The following RHOA variants were observed in gnomAD, a reference collection of about 807,000 sequenced individuals.
The protein encoded by RHOA is ras homolog family member A.
A neutral mutation model predicts 17.5 loss-of-function variants in RHOA; 3 were observed. The observed-to-expected ratio is 0.17, with a 90% CI of 0.08 to 0.44. The LOEUF (loss-of-function observed/expected upper bound fraction) is 0.44. Ranked by LOEUF, RHOA falls within the 20% of genes least tolerant of loss-of-function variation. RHOA has a pLI of 0.99. For missense variants in RHOA, 56 were observed against 242.3 expected (o/e 0.23, Z 5.10); for synonymous variants, 98 against 88.4 (o/e 1.11, Z -0.61).
chr3:49,383,084 A>G (rs2048343227), intron 1 of RHOA, among the ~76,000 whole-genome samples: 1 of 151,514 alleles, frequency 6.6e-6, no homozygotes, highest in Non-Finnish European at 1.5e-5. Context: ...AAAGAAAAAG[A>G]AAAGGCTGCC....
intron 1 of RHOA, among the ~76,000 whole-genome samples, chr3:49,399,431 G>A (rs2048682654): frequency 6.6e-6 from 1 of 151,962 alleles, no homozygotes; most frequent in African/African-American, 2.4e-5. Context: ...TGAAAAAAGT[G>A]ATGTGCCAAA....
At chr3:49,398,839 CAAAAAAAAAAAAAAAAAAAA>C (rs71080506) in intron 1 of RHOA, among the ~76,000 whole-genome samples, 1 of 35,654 alleles carries the variant, frequency 2.8e-5, no homozygotes, top group East Asian at 2.2e-3. Context: ...GACTCCGTCT[CAAAAAAAAAAAAAAAAAAAA>C]AAAAAAAAAA....
intron 1 of RHOA, among the ~76,000 whole-genome samples, chr3:49,383,002 C>T (rs1189490017): frequency 6.7e-6 from 1 of 150,312 alleles, no homozygotes; most frequent in African/African-American, 2.5e-5. Context: ...TGCAGTGAGC[C>T]GAGTTAGCGC....
At chr3:49,404,457 C>CACACACACACACACACACACACA (rs1447646944) in intron 1 of RHOA, among the ~76,000 whole-genome samples, 2 of 146,876 alleles carry the variant, frequency 1.4e-5, no homozygotes, top group African/African-American at 5.0e-5. Context: ...CACACACACA[C>CACACACACACACACACACACACA]AAAATTAGCC....
At position 49,392,175 on chromosome 3, in the gene RHOA, G is replaced by A. The variant is rs942341434; in HGVS notation, c.-2-16584C>T. On this transcript the variant is annotated intron_variant, in intron 1 of 4. Transcript: ENST00000418115. The stretch of plus-strand genomic sequence containing the variant: ...CAAACAAAAACAAAAAAACAATGCT[G>A]GTCAGGCACAGTGACTCCCACCTGT... Among the ~76,000 whole-genome samples the A allele has an allele frequency of 2.6e-5, 4 of 152,194 alleles. No individual in the cohort carries two copies. The East Asian group carries it at 5.8e-4, about 22-fold the overall frequency.
chr3:49,388,800 T>C (rs1024917079), intron 1 of RHOA, among the ~76,000 whole-genome samples: 2 of 152,168 alleles, frequency 1.3e-5, no homozygotes, highest in Non-Finnish European at 2.9e-5. Flanking sequence ...CACTTTGAAA[T>C]CTTTGTTCAT....
chr3:49,372,386 T>C (rs1266588345), intron 2 of RHOA, among the ~76,000 whole-genome samples: 2 of 152,184 alleles, frequency 1.3e-5, no homozygotes, highest in Non-Finnish European at 2.9e-5. Context: ...GAAAGTATCT[T>C]AGAGTTCCTA....
chr3:49,398,554 T>C (rs2107894153), intron 1 of RHOA, among the ~76,000 whole-genome samples: 1 of 151,778 alleles, frequency 6.6e-6, no homozygotes, highest in South Asian at 2.1e-4. Context: ...CAGGGCGCGG[T>C]GGCTCACGCC....
At chr3:49,376,585 G>A (rs1030433380) in intron 1 of RHOA, among the ~76,000 whole-genome samples, 1 of 148,538 alleles carries the variant, frequency 6.7e-6, no homozygotes, top group Admixed American at 6.8e-5. Context: ...AGAGCTTGCA[G>A]TGAGCCAAGA....
rs114562154 is a variant in RHOA, at chr3:49,398,013, A to T, written c.-3+13807T>A. 7.4e-3 allele frequency among the ~76,000 whole-genome samples: 1,125 copies of T among 152,290 alleles called. 7 individuals are homozygous for T. The highest frequency in any genetic ancestry group is 0.034 in the Middle Eastern group (10 of 294). On this transcript the variant is annotated intron_variant, in intron 1 of 4. Coordinates refer to ENST00000418115, the MANE Select transcript of RHOA (RefSeq NM_001664.4). ...GGGTCCATGAGTTCAAAGAGAGACA[A>T]GTCAGTGAATTTTTTCTTTCGCTAC...
chr3:49,388,290 C>T (rs2048434570), intron 1 of RHOA, among the ~76,000 whole-genome samples: 1 of 152,150 alleles, frequency 6.6e-6, no homozygotes, highest in Non-Finnish European at 1.5e-5. Context: ...ACCCACCCGC[C>T]TCTGTCTTCC....
chr3:49,362,517 C>T lies in RHOA; in HGVS notation c.387G>A (p.Arg129=), dbSNP rs746467229. 7 of 1,612,764 alleles carry T rather than the reference C, an allele frequency of 4.3e-6. No homozygotes were observed. The South Asian group carries it at 7.7e-5, about 18-fold the overall frequency. ...KDLRNDEHTR[R]ELAKMKQEPV... is the part of the protein sequence containing the mutation. ...ATGCCTGCTTCATCTTGGCTAGCTC[C>T]CGCCTTGTGTGCTCATCATTCCGAA... The change falls in exon 4 of 5, where the codon CGG becomes CGA. Residue 129 remains arginine, a synonymous_variant. Transcript: ENST00000418115.
chr3:49,376,206 GA>G (rs1176190008), intron 1 of RHOA, among the ~76,000 whole-genome samples: 1 of 152,090 alleles, frequency 6.6e-6, no homozygotes, highest in Non-Finnish European at 1.5e-5. Context: ...GTAAGAAAAT[GA>G]AATAAAAGAC....
chr3:49,370,986 C>G (rs1342276922), intron 2 of RHOA, among the ~76,000 whole-genome samples: 2 of 152,160 alleles, frequency 1.3e-5, no homozygotes, highest in Non-Finnish European at 2.9e-5. Flanking sequence ...TTCTGTCATG[C>G]AAACCATCAT....
At chr3:49,396,706 C>A (rs1449500555) in intron 1 of RHOA, among the ~76,000 whole-genome samples, 1 of 151,882 alleles carries the variant, frequency 6.6e-6, no homozygotes, top group Non-Finnish European at 1.5e-5. Context: ...AAACATCACA[C>A]ACAAAAAAAG....
chr3:49,407,419 G>C (rs1174856626), intron 1 of RHOA, among the ~76,000 whole-genome samples: 1 of 151,886 alleles, frequency 6.6e-6, no homozygotes. Context: ...ATTTTTAGTA[G>C]AGACAGGGTT....
At chr3:49,360,490 A>C (rs893657251) in intron 4 of RHOA, 108 bp from the exon 5 acceptor site, 1 of 1,255,208 alleles carries the variant, frequency 8.0e-7, no homozygotes, top group Admixed American at 2.8e-5. Flanking sequence ...TTTTTGAGAC[A>C]GTTTTGCTCG....
intron 1 of RHOA, among the ~76,000 whole-genome samples, chr3:49,396,806 G>A (rs2048623740): frequency 6.6e-6 from 1 of 151,970 alleles, no homozygotes; most frequent in Non-Finnish European, 1.5e-5. Flanking sequence ...GCAACATAGT[G>A]AGACCACATC....
rs2047917958 is a variant in RHOA, at chr3:49,359,364, A to C, written c.*845T>G. Reference sequence around the variant, plus strand: ...GGTTATGCCATCTTCCAAAGTGTCTAATTGCCTCAGGCGTGAAACCAATTC... The same window carrying C: ...GGTTATGCCATCTTCCAAAGTGTCTCATTGCCTCAGGCGTGAAACCAATTC... On this transcript the variant is annotated 3_prime_UTR_variant, in exon 5 of 5. Transcript: ENST00000418115. 1 of 187,858 alleles carries C rather than the reference A, an allele frequency of 5.3e-6. No homozygotes were observed. Among genetic ancestry groups the C allele is most frequent in the African/African-American group, 2.3e-5 (1 of 42,742 alleles). The allele number at this position is 187,858 out of a possible 1,614,324, so 11.6% of individuals were successfully genotyped here.
Sources: gnomAD v4.1 joint callset for allele counts (sites outside exome capture counted in the v4.1 genomes callset) on GRCh38, gnomAD v4.1.1 for gene constraint, MANE v1.5 for transcripts, NCBI Gene and HGNC (gene_info 2026-07-23, HGNC 2026-07-21) for gene names.